Variants in GPC5 observed in about 807,000 individuals in gnomAD.
GPC5 encodes glypican-5.
A neutral mutation model predicts 53.9 loss-of-function variants in GPC5; 47 were observed. That is an observed-to-expected ratio of 0.87 (90% CI 0.69 to 1.11). The LOEUF (loss-of-function observed/expected upper bound fraction) is 1.11. GPC5 is among the 50% of genes most tolerant of loss of function. GPC5 has a pLI of 0.00. For synonymous variants in GPC5, 286 were observed against 263.3 expected (o/e 1.09, Z -0.84); for missense variants, 748 against 713.1 (o/e 1.05, Z -0.56).
chr13:92,570,180 G>A (rs1355868387), intron 7 of GPC5, among the ~76,000 whole-genome samples: 2 of 152,054 alleles, frequency 1.3e-5, no homozygotes, highest in Non-Finnish European at 2.9e-5. Context: ...CTGTAAAATT[G>A]AAAGGAAAAA....
At chr13:92,651,004 T>G (rs1885940310) in intron 7 of GPC5, among the ~76,000 whole-genome samples, 2 of 152,004 alleles carry the variant, frequency 1.3e-5, no homozygotes, top group South Asian at 4.2e-4. Flanking sequence ...ATGTGGTGTT[T>G]GGTTTTCTGT....
At chr13:92,142,396 T>C (rs1177873009) in intron 6 of GPC5, among the ~76,000 whole-genome samples, 2 of 152,180 alleles carry the variant, frequency 1.3e-5, no homozygotes, top group Non-Finnish European at 2.9e-5. Context: ...ATTTTGCTGT[T>C]CTCCTTAGCA....
At chr13:91,434,397 T>C (rs890340752) in intron 1 of GPC5, among the ~76,000 whole-genome samples, 1 of 152,078 alleles carries the variant, frequency 6.6e-6, no homozygotes, top group Non-Finnish European at 1.5e-5. Flanking sequence ...AAGGAAGGGA[T>C]CCAGTTTCAG....
chr13:92,477,931 C>T lies in GPC5; in HGVS notation c.1561+332942C>T, dbSNP rs184077450. ...ATTCAATGTACCTGGCACTTTTGAT[C>T]ATTGTAATAGTAAACTGTTGGCATT... On this transcript the variant is annotated intron_variant, in intron 7 of 7. Coordinates refer to ENST00000377067, the MANE Select transcript of GPC5 (RefSeq NM_004466.6). 1.6e-3 allele frequency among the ~76,000 whole-genome samples: 247 copies of T among 152,210 alleles called. 1 individual carries two copies. Among genetic ancestry groups the T allele is most frequent in the South Asian group, 0.014 (69 of 4,824 alleles).
intron 7 of GPC5, among the ~76,000 whole-genome samples, chr13:92,311,286 C>T (rs2043143377): frequency 6.6e-6 from 1 of 152,162 alleles, no homozygotes; most frequent in African/African-American, 2.4e-5. Flanking sequence ...CTCCTGGCCA[C>T]TGAGAAAAGA....
intron 7 of GPC5, among the ~76,000 whole-genome samples, chr13:92,477,667 A>G (rs1879205875): frequency 6.6e-6 from 1 of 152,190 alleles, no homozygotes; most frequent in African/African-American, 2.4e-5. Context: ...TGTGTTAACA[A>G]TTACAAAAAT....
chr13:92,435,480 C>A (rs1054391477), intron 7 of GPC5, among the ~76,000 whole-genome samples: 2 of 152,042 alleles, frequency 1.3e-5, no homozygotes, highest in African/African-American at 4.8e-5. Flanking sequence ...GATAAAAGAT[C>A]ATTCTATTTT....
intron 6 of GPC5, among the ~76,000 whole-genome samples, chr13:92,110,951 G>A (rs774832278): frequency 6.6e-6 from 1 of 152,118 alleles, no homozygotes; most frequent in Non-Finnish European, 1.5e-5. Flanking sequence ...TCAAAAACTT[G>A]TATGTATCAC....
chr13:92,172,461 A>C (rs960395297), intron 7 of GPC5, among the ~76,000 whole-genome samples: 2 of 152,220 alleles, frequency 1.3e-5, no homozygotes, highest in African/African-American at 4.8e-5. Context: ...CTCTTAGATG[A>C]AACTTTAAAT....
At chr13:92,461,284 G>T (rs1227616138) in intron 7 of GPC5, among the ~76,000 whole-genome samples, 1 of 152,086 alleles carries the variant, frequency 6.6e-6, no homozygotes, top group East Asian at 1.9e-4. Flanking sequence ...TGCTTCTATG[G>T]GTCAGGTCCT....
At chr13:91,436,152 G>A (rs1436321084) in intron 1 of GPC5, among the ~76,000 whole-genome samples, 5 of 152,006 alleles carry the variant, frequency 3.3e-5, no homozygotes, top group Non-Finnish European at 5.9e-5. Flanking sequence ...TGGATTCATT[G>A]ATTTTTTGAA....
At chr13:92,479,417 T>G (rs1310473006) in intron 7 of GPC5, among the ~76,000 whole-genome samples, 1 of 152,180 alleles carries the variant, frequency 6.6e-6, no homozygotes, top group Non-Finnish European at 1.5e-5. Context: ...ACCTTTGATT[T>G]TCACTGCATG....
chr13:91,838,121 G>A (rs1480177462), intron 5 of GPC5, among the ~76,000 whole-genome samples: 3 of 152,114 alleles, frequency 2.0e-5, no homozygotes, highest in Non-Finnish European at 2.9e-5. Context: ...AAGATCAGTG[G>A]ATACTTCAAA....
intron 7 of GPC5, among the ~76,000 whole-genome samples, chr13:92,824,138 T>A (rs1274687562): frequency 1.3e-5 from 2 of 152,054 alleles, no homozygotes; most frequent in Non-Finnish European, 2.9e-5. Context: ...TTCATTTGCT[T>A]CCTGAAAACT....
chr13:92,584,403 G>C (rs1052005914), intron 7 of GPC5, among the ~76,000 whole-genome samples: 1 of 152,158 alleles, frequency 6.6e-6, no homozygotes, highest in African/African-American at 2.4e-5. Context: ...CCCTGCCCTA[G>C]AGATCTGTGG....
chr13:92,311,278 C>A lies in GPC5; in HGVS notation c.1561+166289C>A, dbSNP rs763259446. Among the ~76,000 whole-genome samples, 5 of 152,168 alleles carry A rather than the reference C, an allele frequency of 3.3e-5. No homozygotes were observed. In the South Asian group the frequency reaches 1.0e-3, roughly 31 times the overall value. On this transcript the variant is annotated intron_variant, in intron 7 of 7. Transcript: ENST00000377067. ...AGCAGCTAGCATGTGCAGGAACTCT[C>A]CTGGCCACTGAGAAAAGAGCAGTGA... is the stretch of plus-strand genomic sequence containing the variant.
In GPC5 at chr13:91,993,000, A is replaced by G. The variant is rs188734995; in HGVS notation, c.1401+84943A>G. On this transcript the variant is annotated intron_variant, in intron 6 of 7. Coordinates refer to ENST00000377067, the MANE Select transcript of GPC5 (RefSeq NM_004466.6). ...GTTAACTGATATTAATCCATTTTAA[A>G]CGAATGTGTCATTCTTAGTAAATTG... is the stretch of plus-strand genomic sequence containing the variant. 3.0e-3 allele frequency among the ~76,000 whole-genome samples: 452 copies of G among 152,346 alleles called. 1 individual carries two copies. The highest frequency in any genetic ancestry group is 4.7e-3 in the Non-Finnish European group (317 of 68,036).
At chr13:92,548,478 A>G (rs1882202659) in intron 7 of GPC5, among the ~76,000 whole-genome samples, 1 of 151,762 alleles carries the variant, frequency 6.6e-6, no homozygotes, top group Non-Finnish European at 1.5e-5. Flanking sequence ...AATAATGTTT[A>G]TTTTAATAAT....
chr13:92,341,190 C>T (rs1322398247), intron 7 of GPC5, among the ~76,000 whole-genome samples: 2 of 152,094 alleles, frequency 1.3e-5, no homozygotes, highest in East Asian at 1.9e-4. Context: ...TTACAGGCAT[C>T]ATTAAATTTC....
Sources: allele counts gnomAD v4.1 joint callset (sites outside exome capture counted in the v4.1 genomes callset), GRCh38; gene constraint gnomAD v4.1.1; transcripts MANE v1.5; gene names NCBI Gene and HGNC (gene_info 2026-07-23, HGNC 2026-07-21).